TMEM175: variants seen among roughly 807,000 people sequenced by gnomAD.
TMEM175 encodes transmembrane protein 175.
TMEM175 carries 36 observed loss-of-function variants against 36.5 expected under a neutral mutation model. The observed-to-expected ratio is 0.99, with a 90% confidence interval of 0.76 to 1.30. The LOEUF (loss-of-function observed/expected upper bound fraction) is 1.30, where lower values mean the gene tolerates loss of function less well. TMEM175 is among the 50% of genes most tolerant of loss of function. TMEM175 has a pLI of 0.00. For missense variants in TMEM175, 705 were observed against 692.8 expected, an observed-to-expected ratio of 1.02 and a Z score of -0.20; for synonymous variants, 339 against 313.4, an observed-to-expected ratio of 1.08 and a Z score of -0.86.
intron 1 of TMEM175, among the ~76,000 whole-genome samples, chr4:940,856 A>G (rs891520432): frequency 6.6e-6 from 1 of 151,324 alleles, no homozygotes; most frequent in East Asian, 2.0e-4. Flanking sequence ...AAATACAAAA[A>G]TTAGCCAGGC....
intron 1 of TMEM175, chr4:945,991 C>T (rs1032846173): frequency 6.6e-6 from 1 of 152,358 alleles, no homozygotes; most frequent in Non-Finnish European, 1.5e-5. Context: ...CTCCTTCCAT[C>T]CCCATAGCTC....
chr4:951,568 G>T (rs1728893277), intron 5 of TMEM175, 114 bp from the exon 6 acceptor site: 2 of 1,387,610 alleles, frequency 1.4e-6, no homozygotes, highest in African/African-American at 2.8e-5. Context: ...ACACTCGCTG[G>T]CCCACCCTTC....
In TMEM175 at chr4:947,897, G is replaced by A; in HGVS notation, c.153+5G>A. Reference sequence around the variant, plus strand: ...TCCATCATCGCCACCGTCATGGTCTGTACGGGGCCCCTGCTTAGGCCTGCC... The same window carrying A: ...TCCATCATCGCCACCGTCATGGTCTATACGGGGCCCCTGCTTAGGCCTGCC... On this transcript the variant is annotated splice_donor_5th_base_variant and intron_variant, in intron 2 of 10. Coordinates refer to ENST00000264771, the MANE Select transcript of TMEM175 (RefSeq NM_032326.4). 2.5e-6 allele frequency: 4 copies of A among 1,613,852 alleles called. No individual in the cohort carries two copies. Among genetic ancestry groups the A allele is most frequent in the East Asian group, 2.2e-5 (1 of 44,880 alleles).
chr4:950,354 T>C (rs1728711294), intron 3 of TMEM175, 67 bp from the exon 4 acceptor site: 1 of 1,310,790 alleles, frequency 7.6e-7, no homozygotes, highest in Non-Finnish European at 1.1e-6. Flanking sequence ...CTCACGGTGC[T>C]GTCTCGACTG....
At chr4:933,245 AC>A (rs1560465565) in intron 1 of TMEM175, among the ~76,000 whole-genome samples, 1 of 150,690 alleles carries the variant, frequency 6.6e-6, no homozygotes, top group East Asian at 1.9e-4. Flanking sequence ...GGTGGCTTAC[AC>A]CTGTAATCCC....
rs761688760 is a variant in TMEM175 at position 957,872 on chromosome 4, C to T, written c.891C>T (p.Gly297=). The T allele has an allele frequency of 2.5e-6, 4 of 1,612,466 alleles. No homozygotes were observed. Among genetic ancestry groups the T allele is most frequent in the East Asian group, 2.2e-5 (1 of 44,886 alleles). Residue 297 remains glycine, a synonymous_variant, in exon 11 of 11, where the codon GGC becomes GGT. Transcript: ENST00000264771. The part of the protein sequence containing the change: ...DPKDVKERFS[G]SLVAALSATG... ...AGGATGTGAAGGAGAGGTTCAGCGG[C>T]AGCCTCGTGGCCGCCCTGAGTGCGA...
intron 1 of TMEM175, among the ~76,000 whole-genome samples, chr4:933,598 C>T (rs1377523352): frequency 6.6e-6 from 1 of 152,128 alleles, no homozygotes; most frequent in Non-Finnish European, 1.5e-5. Context: ...TTACCAATTA[C>T]CTAGAGTGGT....
chr4:939,875 T>C (rs1727229128), intron 1 of TMEM175, among the ~76,000 whole-genome samples: 2 of 152,154 alleles, frequency 1.3e-5, no homozygotes, highest in African/African-American at 4.8e-5. Context: ...AAAAGCTTGA[T>C]CCCATGAAGG....
rs1729963040 is a variant in TMEM175, at chr4:958,006, G to A, written c.1025G>A (p.Gly342Glu). 6.2e-7 allele frequency: 1 copy of A among 1,612,640 alleles called. No homozygotes were observed. The highest frequency in any genetic ancestry group is 8.5e-7 in the Non-Finnish European group (1 of 1,179,880). ...GTGCGCAAGGCCACGCGGGCCATGG[G>A]GCTGCTGAACACGCTCTCGCTGGCC... is the stretch of plus-strand genomic sequence containing the variant. Reference protein sequence around the residue: ...LHVRKATRAMGLLNTLSLAFV... With the variant: ...LHVRKATRAMELLNTLSLAFV... The change falls in exon 11 of 11, where the codon GGG (glycine) becomes GAG (glutamate). Residue 342 changes from glycine to glutamate, a missense_variant. Coordinates refer to ENST00000264771, the MANE Select transcript of TMEM175 (RefSeq NM_032326.4).
chr4:943,118 C>T (rs990535032), intron 1 of TMEM175, among the ~76,000 whole-genome samples: 4 of 152,182 alleles, frequency 2.6e-5, no homozygotes, highest in South Asian at 2.1e-4. Context: ...TTCTAAGACA[C>T]TTCACTGTGA....
chr4:951,309 A>T, intron 5 of TMEM175, 51 bp downstream of exon 5: 1 of 1,603,712 alleles, frequency 6.2e-7, no homozygotes, highest in South Asian at 1.1e-5. Context: ...CTGTAATCTG[A>T]CCCTCAGGGA....
In TMEM175 at chr4:953,306, G is replaced by A. The variant is rs778669287; in HGVS notation, c.579G>A (p.Pro193=). The A allele has an allele frequency of 7.4e-6, 12 of 1,613,922 alleles. No individual in the cohort carries two copies. Among genetic ancestry groups the A allele is most frequent in the South Asian group, 5.5e-5 (5 of 91,088 alleles). The change falls in exon 8 of 11, where the codon CCG becomes CCA. Residue 193 remains proline (P), a synonymous_variant. Coordinates refer to ENST00000264771, the MANE Select transcript of TMEM175 (RefSeq NM_032326.4). ...RHVLGIVLQG[P]ALCFAAAIFS... ...TCCTGGGCATCGTCCTCCAAGGCCCGGCCCTGTGCTTTGCAGCGGCCATCT... is the reference window on the plus strand; with the variant it reads ...TCCTGGGCATCGTCCTCCAAGGCCCAGCCCTGTGCTTTGCAGCGGCCATCT...
At chr4:942,067 C>CTT (rs34604457) in intron 1 of TMEM175, among the ~76,000 whole-genome samples, 36 of 145,278 alleles carry the variant, frequency 2.5e-4, no homozygotes, top group African/African-American at 3.0e-4. Flanking sequence ...CTTTTTTTTT[C>CTT]TTTTTTTTTT....
In TMEM175 at chr4:955,815, T is replaced by G; in HGVS notation, c.767T>G (p.Leu256Arg). 6.2e-7 allele frequency: 1 copy of G among 1,613,942 alleles called. No individual in the cohort carries two copies. Among genetic ancestry groups the G allele is most frequent in the Non-Finnish European group, 8.5e-7 (1 of 1,179,968 alleles). The change falls in exon 10 of 11, where the codon CTC (leucine) becomes CGC (arginine). Residue 256 changes from leucine to arginine, a missense_variant. Leu to Arg is a moderately radical substitution (Grantham distance 102). Transcript: ENST00000264771. ...TTCTCGTTTGACCTCCACGAGCCAC[T>G]CAGCAAGGAGCGCGTGGAAGCCTTC... Reference protein sequence around the residue: ...EVFSFDLHEPLSKERVEAFSD... With the variant: ...EVFSFDLHEPRSKERVEAFSD...
At chr4:946,224 C>A (rs906893302) in intron 1 of TMEM175, 1 of 152,366 alleles carries the variant, frequency 6.6e-6, no homozygotes, top group Admixed American at 6.5e-5. Context: ...GCCAGACCTC[C>A]GTCACTCCTC....
chr4:958,205 G>GGTGT lies in TMEM175; in HGVS notation c.1226_1229dup (p.Trp410CysfsTer141). 6.2e-7 allele frequency: 1 copy of GGTGT among 1,601,968 alleles called. No individual in the cohort carries two copies. Among genetic ancestry groups the GGTGT allele is most frequent in the Non-Finnish European group, 8.5e-7 (1 of 1,176,512 alleles). Reference sequence around the variant, plus strand: ...ACCAGGCGGAGACGCTGCAGCCCTCGGTGTGGTTTGGCGGCCGGGAGCATG... The same window carrying GGTGT: ...ACCAGGCGGAGACGCTGCAGCCCTCGGTGTGTGTGGTTTGGCGGCCGGGAGCATG... On this transcript the variant is annotated frameshift_variant, in exon 11 of 11. Coordinates refer to ENST00000264771, the MANE Select transcript of TMEM175 (RefSeq NM_032326.4). LOFTEE classifies it low-confidence loss of function (END_TRUNC).
In TMEM175 at chr4:951,575, C is replaced by A. The variant is rs1184453287; in HGVS notation, c.343-107C>A. 7.5e-6 allele frequency: 11 copies of A among 1,463,856 alleles called. No homozygotes were observed. In the African/African-American group the frequency reaches 9.7e-5, roughly 13 times the overall value. 90.7% of individuals were successfully genotyped at this position (1,463,856 alleles called of 1,614,324 possible). On this transcript the variant is annotated intron_variant, in intron 5 of 10. Transcript: ENST00000264771. The stretch of plus-strand genomic sequence containing the variant: ...CTGGACTCACACTCGCTGGCCCACC[C>A]TTCTTGGGGAGGGCCCAGCCCTGTG...
At chr4:947,356 G>GC (rs1181502186) in intron 1 of TMEM175, among the ~76,000 whole-genome samples, 3 of 152,306 alleles carry the variant, frequency 2.0e-5, no homozygotes, top group African/African-American at 7.2e-5. Context: ...ACGGTCAAGG[G>GC]CCCCGCAGGG....
At chr4:934,807 A>G (rs1045315176) in intron 1 of TMEM175, among the ~76,000 whole-genome samples, 14 of 152,246 alleles carry the variant, frequency 9.2e-5, no homozygotes, top group South Asian at 2.1e-4. Context: ...CTCTTAGAAC[A>G]TAGGAGGGGA....
Sources: gnomAD v4.1 joint callset for allele counts (sites outside exome capture counted in the v4.1 genomes callset) on GRCh38, gnomAD v4.1.1 for gene constraint, MANE v1.5 for transcripts, NCBI Gene and HGNC (gene_info 2026-07-23, HGNC 2026-07-21) for gene names.